Variants in EEPD1 observed in about 807,000 individuals in gnomAD.
The protein encoded by EEPD1 is endonuclease/exonuclease/phosphatase family domain-containing protein 1.
A neutral mutation model predicts 46.3 loss-of-function variants in EEPD1; 17 were observed. That is an observed-to-expected ratio of 0.37 (90% confidence interval 0.25 to 0.55). The LOEUF (loss-of-function observed/expected upper bound fraction) is 0.55. Ranked by LOEUF, EEPD1 falls within the 20% of genes least tolerant of loss-of-function variation. The pLI is 0.83. For synonymous variants in EEPD1, 313 were observed against 315.6 expected (o/e 0.99, Z 0.09); for missense variants, 673 against 745.6 (o/e 0.90, Z 1.13).
chr7:36,230,731 A>C (rs1233720764), intron 2 of EEPD1: 1 of 152,112 alleles, frequency 6.6e-6, no homozygotes, highest in Non-Finnish European at 1.5e-5. Flanking sequence ...TGATGCACTT[A>C]CCTGGTTCCT....
At chr7:36,239,288 C>T (rs925365019) in intron 3 of EEPD1, among the ~76,000 whole-genome samples, 17 of 152,206 alleles carry the variant, frequency 1.1e-4, no homozygotes, top group African/African-American at 3.6e-4. Flanking sequence ...GGCAGAGGCC[C>T]GTGCTGCAAG....
intron 4 of EEPD1, among the ~76,000 whole-genome samples, chr7:36,282,518 G>T (rs1281518769): frequency 6.6e-6 from 1 of 152,230 alleles, no homozygotes; most frequent in Admixed American, 6.5e-5. Context: ...CCAGGTCAGG[G>T]TGTCAAGGCC....
intron 2 of EEPD1, among the ~76,000 whole-genome samples, chr7:36,161,059 C>T (rs1429761425): frequency 6.6e-6 from 1 of 152,140 alleles, no homozygotes; most frequent in Non-Finnish European, 1.5e-5. Flanking sequence ...CCATGGTCTG[C>T]CCTCAGCAGA....
At chr7:36,268,931 G>C (rs1055211718) in intron 3 of EEPD1, among the ~76,000 whole-genome samples, 1 of 152,218 alleles carries the variant, frequency 6.6e-6, no homozygotes, top group Admixed American at 6.5e-5. Context: ...AATCCAGGCA[G>C]CCTTTCTCTA....
At chr7:36,290,585 T>C (rs1229726095) in intron 6 of EEPD1, among the ~76,000 whole-genome samples, 1 of 152,198 alleles carries the variant, frequency 6.6e-6, no homozygotes, top group Non-Finnish European at 1.5e-5. Flanking sequence ...TGCCTTTGTC[T>C]GGAACGTGCA....
chr7:36,154,329 G>T lies in EEPD1; in HGVS notation c.5G>T (p.Gly2Val). The change falls in exon 2 of 8, where the codon GGG (glycine) becomes GTG (valine). Residue 2 changes from glycine (G) to valine (V), a missense_variant. Physicochemically the swap from Gly to Val is moderately radical, Grantham distance 109. Coordinates refer to ENST00000242108, the MANE Select transcript of EEPD1 (RefSeq NM_030636.3). This position sits in a 1 kb window ranked among gnomAD's most constrained non-coding sequence, Gnocchi z 4.2. M[G>V]STLGCHRSIP... ...GGAGCCTGATCCTGGCGGACCATGG[G>T]GAGCACCCTGGGCTGCCACCGCTCC... is the stretch of plus-strand genomic sequence containing the variant. 1 of 1,607,942 alleles carries T rather than the reference G, an allele frequency of 6.2e-7. No homozygotes were observed. The highest frequency in any genetic ancestry group is 8.5e-7 in the Non-Finnish European group (1 of 1,179,180).
intron 2 of EEPD1, among the ~76,000 whole-genome samples, chr7:36,191,573 T>C (rs1403226816): frequency 6.6e-6 from 1 of 152,238 alleles, no homozygotes; most frequent in East Asian, 1.9e-4. Context: ...AAGGTGGGAC[T>C]GGCTGGAGCT....
At chr7:36,223,119 C>T (rs1440180930) in intron 2 of EEPD1, among the ~76,000 whole-genome samples, 1 of 151,470 alleles carries the variant, frequency 6.6e-6, no homozygotes, top group East Asian at 1.9e-4. Flanking sequence ...CTACTGCACT[C>T]CAACCTGGGC....
chr7:36,265,179 T>C (rs1424923400), intron 3 of EEPD1, among the ~76,000 whole-genome samples: 1 of 152,250 alleles, frequency 6.6e-6, no homozygotes, highest in Non-Finnish European at 1.5e-5. Context: ...TGAGGGTCCA[T>C]GAGTCCTAAT....
chr7:36,298,881 T>A, intron 7 of EEPD1, 126 bp from the exon 8 acceptor site: 1 of 1,065,892 alleles, frequency 9.4e-7, no homozygotes, highest in Non-Finnish European at 1.4e-6. Flanking sequence ...TCCAGCTACC[T>A]GAGGCAGCCT....
intron 2 of EEPD1, among the ~76,000 whole-genome samples, chr7:36,234,451 C>T (rs1008546206): frequency 6.6e-6 from 1 of 152,002 alleles, no homozygotes. Flanking sequence ...GGAGGCGAAT[C>T]GCTTGAGCTC....
At chr7:36,170,588 C>T (rs1218546798) in intron 2 of EEPD1, among the ~76,000 whole-genome samples, 2 of 146,590 alleles carry the variant, frequency 1.4e-5, no homozygotes, top group African/African-American at 2.5e-5. Context: ...TTTTTCAGAG[C>T]TCCCCTCAAG....
In EEPD1 at chr7:36,300,954, GCTCAGGAT is replaced by G. The variant is rs1787613413; in HGVS notation, c.*1749_*1756del. ...GTTAGCATTAAAGTCAAGAGGGGCA[GCTCAGGAT>G]GCTACCAGGGAGCACATCGTTTCTG... On this transcript the variant is annotated 3_prime_UTR_variant, in exon 8 of 8. Coordinates refer to ENST00000242108, the MANE Select transcript of EEPD1 (RefSeq NM_030636.3). 2 of 152,274 alleles carry G rather than the reference GCTCAGGAT, an allele frequency of 1.3e-5. No homozygotes were observed. Among genetic ancestry groups the G allele is most frequent in the Non-Finnish European group, 2.9e-5 (2 of 68,086 alleles). The allele number at this position is 152,274 out of a possible 1,614,324, so 9.4% of individuals were successfully genotyped here.
intron 2 of EEPD1, among the ~76,000 whole-genome samples, chr7:36,200,946 A>G (rs1172378703): frequency 1.3e-5 from 2 of 152,226 alleles, no homozygotes; most frequent in Admixed American, 6.5e-5. Flanking sequence ...TCTAATAGAT[A>G]CCACCTAAAC....
chr7:36,285,620 G>A (rs187413173), intron 5 of EEPD1, among the ~76,000 whole-genome samples: 7 of 152,172 alleles, frequency 4.6e-5, no homozygotes, highest in Non-Finnish European at 1.0e-4. Context: ...CCTTATCCCC[G>A]TGGTCCTTGA....
Position 36,181,442 on chromosome 7 carries a change from C to A in EEPD1, c.878+26240C>A, listed in dbSNP as rs114834042. ...GTCAATCATTTTGACTTAAGACAAG[C>A]GATTATATCTTTGCACTCCTAACAT... is the stretch of plus-strand genomic sequence containing the variant. On this transcript the variant is annotated intron_variant, in intron 2 of 7. Transcript: ENST00000242108. Among the ~76,000 whole-genome samples, 1,161 of 152,224 alleles carry A rather than the reference C, an allele frequency of 7.6e-3. 15 individuals carry two copies. The highest frequency in any genetic ancestry group is 0.027 in the African/African-American group (1,125 of 41,514).
At chr7:36,156,828 T>C (rs1356777122) in intron 2 of EEPD1, among the ~76,000 whole-genome samples, 1 of 152,212 alleles carries the variant, frequency 6.6e-6, no homozygotes, top group African/African-American at 2.4e-5. Context: ...GTACTAGGTG[T>C]TAGGCAATCA....
intron 3 of EEPD1, among the ~76,000 whole-genome samples, chr7:36,246,868 G>T (rs936777778): frequency 6.6e-6 from 1 of 152,136 alleles, no homozygotes; most frequent in Non-Finnish European, 1.5e-5. Flanking sequence ...TCTCACGCCT[G>T]TAATCCCAGC....
At chr7:36,296,205 G>C (rs1004348252) in intron 6 of EEPD1, among the ~76,000 whole-genome samples, 1 of 152,100 alleles carries the variant, frequency 6.6e-6, no homozygotes, top group African/African-American at 2.4e-5. Flanking sequence ...GAAGACCCAG[G>C]CTTTTCCCTT....
Sources: allele counts gnomAD v4.1 joint callset (sites outside exome capture counted in the v4.1 genomes callset), GRCh38; gene constraint gnomAD v4.1.1; non-coding constraint Gnocchi (gnomAD v3.1); transcripts MANE v1.5; gene names NCBI Gene and HGNC (gene_info 2026-07-23, HGNC 2026-07-21).